Variants in AP1S3 observed in about 807,000 individuals in gnomAD.
The protein encoded by AP1S3 is adaptor related protein complex 1 subunit sigma 3.
A neutral mutation model predicts 20.9 loss-of-function variants in AP1S3; 10 were observed. The ratio of observed to expected loss-of-function variants is 0.48; its 90% CI spans 0.29 to 0.81. AP1S3 has a LOEUF of 0.81. Ranked by LOEUF, AP1S3 falls within the 30% of genes least tolerant of loss-of-function variation. AP1S3 has a pLI of 0.08. For synonymous variants in AP1S3, 41 were observed against 61.5 expected (o/e 0.67, Z 1.56); for missense variants, 154 against 183.8 (o/e 0.84, Z 0.94).
At position 223,756,457 on chromosome 2, in the gene AP1S3, GAAAGAAAGA is replaced by G. The variant is rs1553578309; in HGVS notation, c.*2249_*2257del. The stretch of plus-strand genomic sequence containing the variant: ...GAAGGAAGAAAGGAAGGAAAAGAAA[GAAAGAAAGA>G]AAAGAAAGAAAGAAAGAAAAAAAGA... On this transcript the variant is annotated 3_prime_UTR_variant, in exon 5 of 5. Transcript: ENST00000396654. 4 of 840,548 alleles carry G rather than the reference GAAAGAAAGA, an allele frequency of 4.8e-6. No individual in the cohort carries two copies. Among genetic ancestry groups the G allele is most frequent in the Non-Finnish European group, 5.7e-6 (4 of 698,694 alleles). 52.1% of individuals were successfully genotyped at this position (840,548 alleles called of 1,614,324 possible).
intron 3 of AP1S3, among the ~76,000 whole-genome samples, chr2:223,770,559 C>G (rs115454053): frequency 2.2e-4 from 33 of 150,456 alleles, no homozygotes; most frequent in African/African-American, 7.6e-4. Context: ...CTATCTGTAG[C>G]TCTGAAGAGA....
intron 2 of AP1S3, among the ~76,000 whole-genome samples, chr2:223,776,687 G>T (rs1213952456): frequency 6.6e-6 from 1 of 152,058 alleles, no homozygotes; most frequent in Non-Finnish European, 1.5e-5. Flanking sequence ...GTCTCCAAGG[G>T]CAAAATTATG....
rs759718969 is a variant in AP1S3 at position 223,758,311 on chromosome 2, GTATT to G, written c.*400_*403del. On this transcript the variant is annotated 3_prime_UTR_variant, in exon 5 of 5. Coordinates refer to ENST00000396654, the MANE Select transcript of AP1S3 (RefSeq NM_001039569.2). ...TTAGAAAACTAAACATTTAGAAAAA[GTATT>G]AATGACATCATATATACTTTACATT... 244 of 978,758 alleles carry G rather than the reference GTATT, an allele frequency of 2.5e-4. 1 individual carries two copies. The highest frequency in any genetic ancestry group is 2.9e-4 in the Non-Finnish European group (240 of 822,780). 60.6% of individuals were successfully genotyped at this position (978,758 alleles called of 1,614,324 possible). A position where few individuals can be genotyped will look rare whatever the true frequency, so the allele number is the denominator to read the frequency against.
At chr2:223,791,232 C>G (rs187338146) in intron 1 of AP1S3, among the ~76,000 whole-genome samples, 1 of 151,908 alleles carries the variant, frequency 6.6e-6, no homozygotes, top group Non-Finnish European at 1.5e-5. Context: ...ACAACAACAA[C>G]AAAAACACAT....
chr2:223,809,450 G>C (rs1022618666), intron 1 of AP1S3, among the ~76,000 whole-genome samples: 1 of 152,004 alleles, frequency 6.6e-6, no homozygotes, highest in Non-Finnish European at 1.5e-5. Flanking sequence ...TTCGCGACCA[G>C]CCTGACCAAT....
chr2:223,762,341 C>T (rs1329969914), intron 4 of AP1S3, among the ~76,000 whole-genome samples: 2 of 127,680 alleles, frequency 1.6e-5, no homozygotes, highest in East Asian at 2.7e-4. Context: ...GGTGGAATCT[C>T]GGCTCACTGC....
intron 3 of AP1S3, chr2:223,770,247 C>A (rs1229794490): frequency 1.3e-6 from 2 of 1,550,708 alleles, no homozygotes; most frequent in Admixed American, 2.0e-5. Context: ...AGCTGAGGAA[C>A]CTCGGAGTTC....
rs1188922500 is a variant in AP1S3, at chr2:223,818,909, A to C, written c.3+18539T>G. 3.3e-5 allele frequency among the ~76,000 whole-genome samples: 5 copies of C among 152,226 alleles called. No homozygotes were observed. The East Asian group carries it at 9.6e-4, about 29-fold the overall frequency. On this transcript the variant is annotated intron_variant, in intron 1 of 4. Transcript: ENST00000396654. ...TCCTGAAGGACCACTGGCTGCTTTA[A>C]AGATGACATCACTTAATGATTATAG... is the stretch of plus-strand genomic sequence containing the variant.
chr2:223,781,355 C>G (rs1481538394), intron 1 of AP1S3, among the ~76,000 whole-genome samples: 1 of 151,632 alleles, frequency 6.6e-6, no homozygotes, highest in Non-Finnish European at 1.5e-5. Context: ...TCATCAGCAG[C>G]TTTAAAAAAA....
At chr2:223,812,113 A>T (rs182964271) in intron 1 of AP1S3, among the ~76,000 whole-genome samples, 1 of 152,356 alleles carries the variant, frequency 6.6e-6, no homozygotes, top group African/African-American at 2.4e-5. Context: ...TGTTTTACAT[A>T]CTTCTCAGAA....
chr2:223,815,766 A>C (rs866254122), intron 1 of AP1S3, among the ~76,000 whole-genome samples: 1 of 152,228 alleles, frequency 6.6e-6, no homozygotes, highest in Non-Finnish European at 1.5e-5. Context: ...AACTTTAAGC[A>C]AAACAACATA....
Sources: allele counts gnomAD v4.1 joint callset (sites outside exome capture counted in the v4.1 genomes callset), GRCh38; gene constraint gnomAD v4.1.1; transcripts MANE v1.5; gene names NCBI Gene and HGNC (gene_info 2026-07-23, HGNC 2026-07-21).